NTAQ1: variants seen among roughly 807,000 people sequenced by gnomAD.
The protein encoded by NTAQ1 is protein N-terminal glutamine amidohydrolase.
NTAQ1 carries 21 observed loss-of-function variants against 28.2 expected under a neutral mutation model. The observed-to-expected ratio is 0.74, with a 90% CI of 0.53 to 1.07. The LOEUF (loss-of-function observed/expected upper bound fraction) is 1.07, where lower values mean the gene tolerates loss of function less well. NTAQ1 is among the 50% of genes least tolerant of loss of function. NTAQ1 has a pLI of 0.00. For missense variants in NTAQ1, 264 were observed against 256.6 expected, an observed-to-expected ratio of 1.03 and a Z score of -0.20; for synonymous variants, 105 against 90.0, an observed-to-expected ratio of 1.17 and a Z score of -0.94.
chr8:123,469,391 A>C (rs1334931246), exon 7 of NTAQ1, among the ~76,000 whole-genome samples: 2 of 152,250 alleles, frequency 1.3e-5, no homozygotes, highest in Non-Finnish European at 2.9e-5. Context: ...GCTTACAGAC[A>C]AGAGACTAGG....
downstream of NTAQ1, among the ~76,000 whole-genome samples, chr8:123,449,247 G>A (rs1437647488): frequency 6.6e-6 from 1 of 152,228 alleles, no homozygotes; most frequent in Non-Finnish European, 1.5e-5. Flanking sequence ...GCAGAAGCAT[G>A]AGGAAGCCTG....
intron 6 of NTAQ1, among the ~76,000 whole-genome samples, chr8:123,459,416 T>C (rs1352256724): frequency 6.6e-6 from 1 of 152,110 alleles, no homozygotes; most frequent in Non-Finnish European, 1.5e-5. Context: ...TACTTCGGCT[T>C]CATCAGGTAG....
At chr8:123,442,743 A>G (rs922643701), downstream of NTAQ1, among the ~76,000 whole-genome samples, 6 of 151,496 alleles carry the variant, frequency 4.0e-5, no homozygotes, top group Non-Finnish European at 8.8e-5. Context: ...ATCTCGGCTC[A>G]CTGTAACCTC....
At chr8:123,467,720 T>C (rs1182978666) in exon 7 of NTAQ1, among the ~76,000 whole-genome samples, 1 of 152,172 alleles carries the variant, frequency 6.6e-6, no homozygotes, top group Admixed American at 6.5e-5. Flanking sequence ...GCAGTGAATA[T>C]GAGAGACAGG....
At chr8:123,438,958 C>T (rs926046422) in intron 5 of NTAQ1, among the ~76,000 whole-genome samples, 3 of 152,284 alleles carry the variant, frequency 2.0e-5, no homozygotes, top group African/African-American at 7.2e-5. Flanking sequence ...CCTGGTCTGG[C>T]CACAGTGTGC....
At chr8:123,465,550 T>G (rs991172749) in intron 6 of NTAQ1, among the ~76,000 whole-genome samples, 4 of 149,840 alleles carry the variant, frequency 2.7e-5, no homozygotes, top group African/African-American at 9.7e-5. Flanking sequence ...CTTTTGAGAT[T>G]GCTTTTTTCA....
intron 5 of NTAQ1, among the ~76,000 whole-genome samples, chr8:123,439,203 G>GT (rs1166366987): frequency 6.7e-6 from 1 of 148,972 alleles, no homozygotes; most frequent in Admixed American, 6.7e-5. Context: ...TTTTTTTTTT[G>GT]TTGAGACTCT....
chr8:123,463,256 C>G (rs1190353667), intron 6 of NTAQ1, among the ~76,000 whole-genome samples: 2 of 152,192 alleles, frequency 1.3e-5, no homozygotes, highest in Non-Finnish European at 2.9e-5. Context: ...AGAAACTTAA[C>G]ATTGATGCAA....
chr8:123,463,768 G>A (rs1308091075), intron 6 of NTAQ1, among the ~76,000 whole-genome samples: 1 of 152,184 alleles, frequency 6.6e-6, no homozygotes, highest in African/African-American at 2.4e-5. Context: ...GTGTTGAACT[G>A]TGATGCAATC....
chr8:123,442,803 G>A (rs1327319432), downstream of NTAQ1, among the ~76,000 whole-genome samples: 20 of 150,562 alleles, frequency 1.3e-4, no homozygotes, highest in Non-Finnish European at 3.0e-5. Flanking sequence ...TGAGTAGCTG[G>A]GATTACAGGT....
chr8:123,453,126 T>C (rs1815552372), intron 6 of NTAQ1, among the ~76,000 whole-genome samples: 1 of 152,186 alleles, frequency 6.6e-6, no homozygotes, highest in Non-Finnish European at 1.5e-5. Flanking sequence ...TAAGTGACGG[T>C]TGAATCAGTT....
intron 6 of NTAQ1, among the ~76,000 whole-genome samples, chr8:123,462,105 G>A (rs1378514324): frequency 6.6e-6 from 1 of 152,090 alleles, no homozygotes; most frequent in Non-Finnish European, 1.5e-5. Flanking sequence ...GAGTGCAGTG[G>A]CGTGATCTCA....
chr8:123,430,193 T>C, intron 3 of NTAQ1, 160 bp downstream of exon 3: 1 of 468,178 alleles, frequency 2.1e-6, no homozygotes. Context: ...TGATCTAAGG[T>C]AGAAACACTG....
chr8:123,440,505 T>C (rs112463939), intron 5 of NTAQ1, among the ~76,000 whole-genome samples: 32 of 132,046 alleles, frequency 2.4e-4, no homozygotes, highest in Non-Finnish European at 2.8e-4. Context: ...CTTTCTTCTT[T>C]TTTTTTTTTT....
At chr8:123,449,970 T>TG (rs1323437336), downstream of NTAQ1, among the ~76,000 whole-genome samples, 1,658 of 68,048 alleles carry the variant, frequency 0.024, 564 homozygotes, top group East Asian at 0.25. Context: ...TATATATATA[T>TG]ATATGCTGGA....
intron 6 of NTAQ1, among the ~76,000 whole-genome samples, chr8:123,463,824 A>G (rs537165176): frequency 1.3e-5 from 2 of 152,226 alleles, no homozygotes; most frequent in South Asian, 4.1e-4. Flanking sequence ...GGATGGTGAT[A>G]TTTGGTTGTG....
At chr8:123,449,281 T>C (rs926246383), downstream of NTAQ1, among the ~76,000 whole-genome samples, 1 of 152,240 alleles carries the variant, frequency 6.6e-6, no homozygotes, top group African/African-American at 2.4e-5. Context: ...GGATTCTCTT[T>C]GAGTCCCTTT....
chr8:123,454,394 G>A (rs1815588708), intron 6 of NTAQ1, among the ~76,000 whole-genome samples: 1 of 151,898 alleles, frequency 6.6e-6, no homozygotes, highest in Non-Finnish European at 1.5e-5. Flanking sequence ...TTGAGAGGGA[G>A]TTTCACTGTG....
At chr8:123,417,085 A>G (rs989244621) in intron 1 of NTAQ1, among the ~76,000 whole-genome samples, 153 bp downstream of exon 1, 1 of 152,208 alleles carries the variant, frequency 6.6e-6, no homozygotes, top group East Asian at 1.9e-4. Context: ...CGGGAATGGC[A>G]GCTCTCGTCT....
Sources: gnomAD v4.1 joint callset for allele counts (sites outside exome capture counted in the v4.1 genomes callset) on GRCh38, gnomAD v4.1.1 for gene constraint, MANE v1.5 for transcripts, NCBI Gene and HGNC (gene_info 2026-07-23, HGNC 2026-07-21) for gene names.